The following STRIP2 variants were observed in gnomAD, a reference collection of about 807,000 sequenced individuals.
STRIP2 encodes the protein striatin interacting protein 2, also known as striatin-interacting protein 2.
Under a neutral mutation model 107.1 loss-of-function variants are expected in STRIP2, and 84 were observed. The ratio of observed to expected loss-of-function variants is 0.78; its 90% CI spans 0.66 to 0.94. STRIP2 has a LOEUF of 0.94. Among genes scored for constraint, STRIP2 ranks in the 40% least tolerant of loss-of-function variants. The probability of loss-of-function intolerance (pLI) is 0.00; values close to 1 mark genes in which losing one functional copy is unlikely to be tolerated. For missense variants in STRIP2, 888 were observed against 1,034.2 expected, an observed-to-expected ratio of 0.86 and a Z score of 1.94; for synonymous variants, 394 against 400.4, an observed-to-expected ratio of 0.98 and a Z score of 0.19.
chr7:129,468,908 A>C (rs1798731350), intron 17 of STRIP2, among the ~76,000 whole-genome samples: 1 of 152,218 alleles, frequency 6.6e-6, no homozygotes, highest in Admixed American at 6.5e-5. Context: ...TCTGTAAGAC[A>C]CCAGGCCTCT....
Position 129,434,472 on chromosome 7 carries a change from C to T in STRIP2, c.-1C>T. On this transcript the variant is annotated 5_prime_UTR_variant, in exon 1 of 21. Transcript: ENST00000249344. ...CCTGAGGGGAGCCGCTGACCAGCAG[C>T]ATGGAGGACCCCGCCGCGCCTGGGA... is the stretch of plus-strand genomic sequence containing the variant. 7.9e-6 allele frequency: 12 copies of T among 1,512,018 alleles called. No homozygotes were observed. The highest frequency in any genetic ancestry group is 1.1e-5 in the Non-Finnish European group (12 of 1,136,930). 93.7% of individuals were successfully genotyped at this position (1,512,018 alleles called of 1,614,324 possible).
At position 129,452,164 on chromosome 7, in the gene STRIP2, T is replaced by G. The variant is rs1733353531; in HGVS notation, c.409+417T>G. On this transcript the variant is annotated intron_variant, in intron 4 of 20. Coordinates refer to ENST00000249344, the MANE Select transcript of STRIP2 (RefSeq NM_020704.3). ...GATACACATGGACCCCTTGCATTGT[T>G]TCTCATTGGCATTTTGAAAGTTCAA... is the stretch of plus-strand genomic sequence containing the variant. Among the ~76,000 whole-genome samples, 5 of 152,196 alleles carry G rather than the reference T, an allele frequency of 3.3e-5. No homozygotes were observed. In the South Asian group the frequency reaches 1.0e-3, roughly 32 times the overall value.
chr7:129,458,340 G>A lies in STRIP2; in HGVS notation c.1164G>A (p.Glu388=). 6.2e-7 allele frequency: 1 copy of A among 1,614,212 alleles called. No individual in the cohort carries two copies. Among genetic ancestry groups the A allele is most frequent in the Non-Finnish European group, 8.5e-7 (1 of 1,180,028 alleles). ...ATGGAGAACGAACCTTGGATGGAGA[G>A]CTAGACCTGCTAGAGCAGGACCCTC... is the stretch of plus-strand genomic sequence containing the variant. ...AGDGERTLDG[E]LDLLEQDPLV... is the part of the protein sequence containing the mutation. The change falls in exon 10 of 21, where the codon GAG becomes GAA. Residue 388 remains glutamate, a synonymous_variant. Coordinates refer to ENST00000249344, the MANE Select transcript of STRIP2 (RefSeq NM_020704.3). The surrounding 1 kb of genome is among the most constrained non-coding windows in gnomAD (Gnocchi z 4.6).
intron 20 of STRIP2, 51 bp from the exon 21 acceptor site, chr7:129,485,528 G>A (rs1473597250): frequency 6.2e-7 from 1 of 1,602,032 alleles, no homozygotes; most frequent in Non-Finnish European, 8.5e-7. Flanking sequence ...TGTGATAAGA[G>A]GAGCAGTGTC....
rs1414691248 is a variant in STRIP2 at position 129,454,480 on chromosome 7, A to T, written c.659A>T (p.Asp220Val). 5 of 1,614,112 alleles carry T rather than the reference A, an allele frequency of 3.1e-6. No individual in the cohort carries two copies. Among genetic ancestry groups the T allele is most frequent in the Non-Finnish European group, 4.2e-6 (5 of 1,180,006 alleles). ...AATATTCGCCTGGAGCGAGAGACAG[A>T]CCCCTGTGGGTGGAGAACAGCCCGG... ...VENIRLERET[D>V]PCGWRTARET... The change falls in exon 7 of 21, where the codon GAC (aspartate) becomes GTC (valine). Residue 220 changes from aspartate (D) to valine (V), a missense_variant. Coordinates refer to ENST00000249344, the MANE Select transcript of STRIP2 (RefSeq NM_020704.3).
At chr7:129,439,030 A>G (rs1797827305) in intron 1 of STRIP2, among the ~76,000 whole-genome samples, 1 of 152,138 alleles carries the variant, frequency 6.6e-6, no homozygotes, top group Non-Finnish European at 1.5e-5. Flanking sequence ...CATTACCTAG[A>G]CATAATTAAA....
intron 4 of STRIP2, 90 bp downstream of exon 4, chr7:129,451,837 G>A: frequency 6.6e-7 from 1 of 1,508,286 alleles, no homozygotes. Context: ...GGCTGTGCTG[G>A]GAAAGCAAGG....
intron 3 of STRIP2, among the ~76,000 whole-genome samples, chr7:129,446,836 G>T (rs559838657): frequency 6.6e-6 from 1 of 152,270 alleles, no homozygotes; most frequent in East Asian, 1.9e-4. Flanking sequence ...ATGCTGCTGT[G>T]CACGACCCAC....
intron 5 of STRIP2, among the ~76,000 whole-genome samples, 182 bp downstream of exon 5, chr7:129,453,529 C>T (rs895839706): frequency 7.2e-5 from 11 of 152,184 alleles, no homozygotes; most frequent in Non-Finnish European, 1.5e-5. Context: ...ATTCTGTTCT[C>T]CCTCCCTGAG....
chr7:129,481,498 AAATAAT>A (rs145902870), intron 19 of STRIP2, among the ~76,000 whole-genome samples: 1 of 151,592 alleles, frequency 6.6e-6, no homozygotes, highest in Non-Finnish European at 1.5e-5. Context: ...CTCCGTCTCA[AAATAAT>A]AATAATAATA....
rs1002149863 is a variant in STRIP2, at chr7:129,434,612, C to G, written c.129+11C>G. 6 of 1,475,608 alleles carry G rather than the reference C, an allele frequency of 4.1e-6. No homozygotes were observed. The highest frequency in any genetic ancestry group is 4.5e-6 in the Non-Finnish European group (5 of 1,115,528). The allele number at this position is 1,475,608 out of a possible 1,614,324, so 91.4% of individuals were successfully genotyped here. A position where few individuals can be genotyped will look rare whatever the true frequency, so the allele number is the denominator to read the frequency against. On this transcript the variant is annotated intron_variant, in intron 1 of 20. Coordinates refer to ENST00000249344, the MANE Select transcript of STRIP2 (RefSeq NM_020704.3). ...CGGCGGGAGTCAGAGGTGAGGAGCC[C>G]GGAAAGCTTCGGCTGGGGCCCGGAG...
chr7:129,459,055 T>G (rs2151002844), intron 11 of STRIP2, among the ~76,000 whole-genome samples: 1 of 152,330 alleles, frequency 6.6e-6, no homozygotes, highest in East Asian at 1.9e-4. Context: ...TTCCTGAGGT[T>G]GTTGGGTTAG....
At chr7:129,457,962 T>C (rs2151001688) in intron 9 of STRIP2, 1 of 497,670 alleles carries the variant, frequency 2.0e-6, no homozygotes, top group South Asian at 2.1e-5. Flanking sequence ...TTCTGAAAGC[T>C]AAGTAATTGT....
At chr7:129,474,126 C>T (rs1366074611) in intron 18 of STRIP2, among the ~76,000 whole-genome samples, 1 of 152,110 alleles carries the variant, frequency 6.6e-6, no homozygotes, top group Non-Finnish European at 1.5e-5. Flanking sequence ...CCAAAACAAA[C>T]ATCCTTGCAT....
intron 3 of STRIP2, among the ~76,000 whole-genome samples, chr7:129,449,625 C>T (rs1479930546): frequency 6.6e-6 from 1 of 152,234 alleles, no homozygotes. Context: ...TGCCCAGCTT[C>T]ACCAGGGTCC....
intron 8 of STRIP2, 85 bp from the exon 9 acceptor site, chr7:129,456,351 TTTC>T: frequency 8.0e-7 from 1 of 1,246,258 alleles, no homozygotes; most frequent in Non-Finnish European, 1.2e-6. Context: ...GTTGTGGCCC[TTTC>T]TTTTCATCCA....
chr7:129,463,828 T>G (rs1798604368), intron 14 of STRIP2, among the ~76,000 whole-genome samples: 1 of 152,208 alleles, frequency 6.6e-6, no homozygotes, highest in African/African-American at 2.4e-5. Context: ...TAACAGCCAA[T>G]GCACTCCCTC....
intron 18 of STRIP2, among the ~76,000 whole-genome samples, chr7:129,479,642 A>G (rs546555267): frequency 1.6e-4 from 25 of 151,922 alleles, no homozygotes; most frequent in African/African-American, 5.3e-4. Flanking sequence ...GGCTCCTGCC[A>G]CCATGCCCAG....
rs1215343870 is a variant in STRIP2 at position 129,454,087 on chromosome 7, C to G, written c.531-55C>G. 30 of 1,515,840 alleles carry G rather than the reference C, an allele frequency of 2.0e-5. No individual in the cohort carries two copies. The South Asian group carries it at 2.8e-4, about 14-fold the overall frequency. The allele number at this position is 1,515,840 out of a possible 1,614,324, so 93.9% of individuals were successfully genotyped here. ...TATTTGTGTGAGTGATAAGTAAGAG[C>G]ACAGAGAGAAAAGAAGTCTTATGCA... On this transcript the variant is annotated intron_variant, in intron 5 of 20. Coordinates refer to ENST00000249344, the MANE Select transcript of STRIP2 (RefSeq NM_020704.3).
Sources: gnomAD v4.1 joint callset for allele counts (sites outside exome capture counted in the v4.1 genomes callset) on GRCh38, gnomAD v4.1.1 for gene constraint, Gnocchi (gnomAD v3.1) non-coding constraint, MANE v1.5 for transcripts, NCBI Gene and HGNC (gene_info 2026-07-23, HGNC 2026-07-21) for gene names.